Variants in CCDC171 observed in about 807,000 individuals in gnomAD.
CCDC171 encodes the protein coiled-coil domain-containing protein 171.
Under a neutral mutation model 168.2 loss-of-function variants are expected in CCDC171, and 177 were observed. The ratio of observed to expected loss-of-function variants is 1.05; its 90% CI spans 0.93 to 1.19. The LOEUF is 1.19. CCDC171 is among the 50% of genes most tolerant of loss of function. CCDC171 has a pLI of 0.00. For synonymous variants in CCDC171, 687 were observed against 540.8 expected (o/e 1.27, Z -3.75); for missense variants, 1,991 against 1,539.0 (o/e 1.29, Z -4.91).
intron 6 of CCDC171, among the ~76,000 whole-genome samples, chr9:15,605,715 A>C (rs1463039070): frequency 6.6e-6 from 1 of 151,616 alleles, no homozygotes; most frequent in Non-Finnish European, 1.5e-5. Context: ...AAAAGTCCCT[A>C]ATTTAGGGAA....
intron 1 of CCDC171, among the ~76,000 whole-genome samples, chr9:16,053,432 G>T (rs1833783765): frequency 6.6e-6 from 1 of 152,260 alleles, no homozygotes; most frequent in African/African-American, 2.4e-5. Flanking sequence ...GGGCTCACAT[G>T]TCAGCCCTGC....
the CCDC171 span, among the ~76,000 whole-genome samples, chr9:16,093,303 G>T: frequency 6.6e-6 from 1 of 152,158 alleles, no homozygotes; most frequent in South Asian, 2.1e-4. Flanking sequence ...AGTCCTCTGT[G>T]GTGGGCCAAC....
chr9:15,895,559 A>G, intron 24 of CCDC171, among the ~76,000 whole-genome samples: 1 of 152,068 alleles, frequency 6.6e-6, no homozygotes, highest in Non-Finnish European at 1.5e-5. Flanking sequence ...ATGTCAATAG[A>G]CTCCAAAGTC....
chr9:16,053,257 G>A (rs1036336984), intron 1 of CCDC171, among the ~76,000 whole-genome samples: 1 of 152,256 alleles, frequency 6.6e-6, no homozygotes, highest in Non-Finnish European at 1.5e-5. Flanking sequence ...ATCAGCTTGA[G>A]CGTGGACCAG....
At chr9:15,719,975 C>CG (rs2053366088) in intron 11 of CCDC171, among the ~76,000 whole-genome samples, 1 of 63,682 alleles carries the variant, frequency 1.6e-5, no homozygotes, top group African/African-American at 3.1e-5. Flanking sequence ...ATAGTCATTA[C>CG]GAAGAGTACT....
intron 1 of CCDC171, among the ~76,000 whole-genome samples, chr9:16,054,821 A>G (rs1833809018): frequency 6.6e-6 from 1 of 152,168 alleles, no homozygotes; most frequent in Non-Finnish European, 1.5e-5. Context: ...AGCATTTAGG[A>G]CACTAGTCCT....
chr9:15,947,242 G>A (rs769151), intron 25 of CCDC171, among the ~76,000 whole-genome samples: 47,014 of 151,614 alleles, frequency 0.31, 9,186 homozygotes, highest in East Asian at 0.64. Flanking sequence ...ATTCATAGAC[G>A]TTAAAAACTT....
intron 21 of CCDC171, among the ~76,000 whole-genome samples, chr9:15,817,382 G>A (rs57779097): frequency 0.041 from 4,853 of 117,754 alleles, 1,543 homozygotes; most frequent in African/African-American, 0.15. Context: ...AGCATGAGCC[G>A]AAGCAGGGCG....
chr9:16,005,641 C>G (rs1439943740), intron 3 of CCDC171, among the ~76,000 whole-genome samples: 3 of 152,108 alleles, frequency 2.0e-5, no homozygotes, highest in Non-Finnish European at 4.4e-5. Context: ...AGTATAGCAA[C>G]TATTGACTTA....
intron 21 of CCDC171, among the ~76,000 whole-genome samples, chr9:15,798,079 G>A (rs1017046376): frequency 1.3e-5 from 2 of 152,024 alleles, no homozygotes; most frequent in Non-Finnish European, 2.9e-5. Context: ...ATATTTTTAA[G>A]GTGCTGTAAG....
At chr9:15,779,659 C>T (rs1430805743) in intron 20 of CCDC171, among the ~76,000 whole-genome samples, 1 of 152,164 alleles carries the variant, frequency 6.6e-6, no homozygotes, top group African/African-American at 2.4e-5. Context: ...TGCACCTGGC[C>T]TCTTCTCTTC....
At chr9:15,806,378 T>A (rs1264376934) in intron 21 of CCDC171, among the ~76,000 whole-genome samples, 1 of 152,216 alleles carries the variant, frequency 6.6e-6, no homozygotes, top group African/African-American at 2.4e-5. Context: ...GTAATGGTTT[T>A]TCTTTTCCAT....
At chr9:15,649,584 T>C (rs1362827289) in intron 7 of CCDC171, among the ~76,000 whole-genome samples, 2 of 151,864 alleles carry the variant, frequency 1.3e-5, no homozygotes, top group African/African-American at 4.8e-5. Context: ...CAAAAGTGGG[T>C]GAAGGATATG....
At chr9:15,914,404 G>T (rs1425793642) in intron 24 of CCDC171, among the ~76,000 whole-genome samples, 5 of 152,158 alleles carry the variant, frequency 3.3e-5, no homozygotes, top group Non-Finnish European at 5.9e-5. Context: ...ACTGCAGTGG[G>T]CTCTGTCCAG....
At chr9:16,083,857 T>A in the CCDC171 span, among the ~76,000 whole-genome samples, 1 of 152,238 alleles carries the variant, frequency 6.6e-6, no homozygotes, top group African/African-American at 2.4e-5. Context: ...AAGAACTCGC[T>A]GAGTTAACCA....
chr9:15,943,244 T>C (rs950189954), intron 25 of CCDC171, among the ~76,000 whole-genome samples: 3 of 151,994 alleles, frequency 2.0e-5, no homozygotes, highest in African/African-American at 7.2e-5. Context: ...AGTTTAAGGA[T>C]GAGAAGAGCA....
chr9:15,848,204 T>C (rs2060982484), intron 22 of CCDC171, among the ~76,000 whole-genome samples: 1 of 152,032 alleles, frequency 6.6e-6, no homozygotes, highest in Admixed American at 6.6e-5. Flanking sequence ...GCACATGTTT[T>C]TATAAATCTA....
rs2048272070 is a variant in CCDC171 at position 15,660,993 on chromosome 9, T to TA, written c.915+3774_915+3775insA. On this transcript the variant is annotated intron_variant, in intron 8 of 25. Coordinates refer to ENST00000380701, the MANE Select transcript of CCDC171 (RefSeq NM_173550.4). ...GCCTCACCAGCATCTTAACATGCTG[T>TA]TTTTTTGCCGGGCGCGGGGGCTCAC... is the stretch of plus-strand genomic sequence containing the variant. Among the ~76,000 whole-genome samples, 3 of 152,070 alleles carry TA rather than the reference T, an allele frequency of 2.0e-5. No individual in the cohort carries two copies. The East Asian group carries it at 5.8e-4, about 29-fold the overall frequency.
At chr9:15,777,000 C>G (rs2057362334) in intron 18 of CCDC171, among the ~76,000 whole-genome samples, 1 of 152,160 alleles carries the variant, frequency 6.6e-6, no homozygotes, top group Non-Finnish European at 1.5e-5. Context: ...ACCTATTAAC[C>G]ATTATCTGGA....
Sources: gnomAD v4.1 joint callset for allele counts (sites outside exome capture counted in the v4.1 genomes callset) on GRCh38, gnomAD v4.1.1 for gene constraint, MANE v1.5 for transcripts, NCBI Gene and HGNC (gene_info 2026-07-23, HGNC 2026-07-21) for gene names.